Variants in INSYN2A observed in about 807,000 individuals in gnomAD.
INSYN2A encodes family with sequence similarity 196 member A.
A neutral mutation model predicts 39.4 loss-of-function variants in INSYN2A; 17 were observed. That is an observed-to-expected ratio of 0.43 (90% confidence interval 0.30 to 0.65). The LOEUF (loss-of-function observed/expected upper bound fraction) is 0.65, where lower values mean the gene tolerates loss of function less well. Ranked by LOEUF, INSYN2A falls within the 30% of genes least tolerant of loss-of-function variation. The probability of loss-of-function intolerance (pLI) is 0.14; values close to 1 mark genes in which losing one functional copy is unlikely to be tolerated. For synonymous variants in INSYN2A, 255 were observed against 265.7 expected (o/e 0.96, Z 0.39); for missense variants, 595 against 631.2 (o/e 0.94, Z 0.61).
chr10:127,175,922 C>T lies in INSYN2A; in HGVS notation c.474G>A (p.Glu158=). 1.2e-6 allele frequency: 2 copies of T among 1,614,204 alleles called. No individual in the cohort carries two copies. The highest frequency in any genetic ancestry group is 2.2e-5 in the East Asian group (1 of 44,878). The part of the protein sequence containing the change: ...KEKNEAGPME[E]ARPCGAGRVH... ...CCCGCCCCGCGCCACATGGCCGGGC[C>T]TCCTCCATGGGTCCAGCCTCGTTCT... The change falls in exon 4 of 6, where the codon GAG becomes GAA. Residue 158 remains glutamate (E), a synonymous_variant. Coordinates refer to ENST00000522781, the MANE Select transcript of INSYN2A (RefSeq NM_001039762.3). This position sits in a 1 kb window ranked among gnomAD's most constrained non-coding sequence, Gnocchi z 6.3.
chr10:127,155,811 G>A (rs553237480), intron 4 of INSYN2A, among the ~76,000 whole-genome samples: 1 of 152,304 alleles, frequency 6.6e-6, no homozygotes, highest in East Asian at 1.9e-4. Flanking sequence ...TAAGCTCAGT[G>A]CTGACCAAGG....
At position 127,175,863 on chromosome 10, in the gene INSYN2A, T is replaced by A. The variant is rs549935946; in HGVS notation, c.533A>T (p.Asn178Ile). ...HKTTALVFHS[N>I]QHMNTVDQPL... ...CTGGTCCACTGTGTTCATGTGTTGG[T>A]TGGAATGGAAAACCAAGGCTGTGGT... The change falls in exon 4 of 6, where the codon AAC becomes ATC. Residue 178 changes from asparagine to isoleucine, a missense_variant. This residue lies in a region of INSYN2A where 478 missense variants were observed against 467.4 expected (regional missense o/e 1.02). Coordinates refer to ENST00000522781, the MANE Select transcript of INSYN2A (RefSeq NM_001039762.3). The surrounding 1 kb of genome is among the most constrained non-coding windows in gnomAD (Gnocchi z 6.3). 1 of 1,614,116 alleles carries A rather than the reference T, an allele frequency of 6.2e-7. No homozygotes were observed. The highest frequency in any genetic ancestry group is 1.7e-5 in the Admixed American group (1 of 60,012).
At chr10:127,162,576 C>G (rs2053678733) in intron 4 of INSYN2A, among the ~76,000 whole-genome samples, 1 of 152,210 alleles carries the variant, frequency 6.6e-6, no homozygotes, top group Non-Finnish European at 1.5e-5. Context: ...CAGAATCACA[C>G]ACATCCCATT....
intron 2 of INSYN2A, among the ~76,000 whole-genome samples, chr10:127,188,196 G>T (rs1002441517): frequency 2.6e-5 from 4 of 152,164 alleles, no homozygotes; most frequent in Admixed American, 6.5e-5. Flanking sequence ...CCCTGGCCTG[G>T]CTGGGCTGTG....
intron 4 of INSYN2A, among the ~76,000 whole-genome samples, chr10:127,160,158 C>T (rs1367929331): frequency 6.6e-6 from 1 of 151,430 alleles, no homozygotes; most frequent in African/African-American, 2.4e-5. Flanking sequence ...AAAAGTCTCT[C>T]ACTGTGCTGT....
At chr10:127,191,460 C>G (rs1410357937) in intron 2 of INSYN2A, among the ~76,000 whole-genome samples, 1 of 152,148 alleles carries the variant, frequency 6.6e-6, no homozygotes, top group Non-Finnish European at 1.5e-5. Context: ...GGTTTTATAT[C>G]TTTGCTGCAT....
At chr10:127,192,470 G>A (rs960994743) in intron 2 of INSYN2A, 135 bp downstream of exon 2, 2 of 152,148 alleles carry the variant, frequency 1.3e-5, no homozygotes, top group East Asian at 1.9e-4. Flanking sequence ...AGAATGTTTT[G>A]TTTTTATTCA....
rs142957481 is a variant in INSYN2A, at chr10:127,172,026, T to C, written c.1184+3186A>G. The stretch of plus-strand genomic sequence containing the variant: ...GGCCTCCACTGATATTTTAACTTGG[T>C]CATTTGAGTTCATTGTCGTATCATA... On this transcript the variant is annotated intron_variant, in intron 4 of 5. Transcript: ENST00000522781. Among the ~76,000 whole-genome samples, 438 of 152,332 alleles carry C rather than the reference T, an allele frequency of 2.9e-3. 2 individuals carry two copies. The highest frequency in any genetic ancestry group is 5.1e-3 in the Non-Finnish European group (347 of 68,034).
chr10:127,192,236 T>A (rs187902038), intron 2 of INSYN2A, among the ~76,000 whole-genome samples: 2 of 152,274 alleles, frequency 1.3e-5, no homozygotes, highest in Admixed American at 1.3e-4. Flanking sequence ...GAATAAACAG[T>A]TCAGTGCTCT....
chr10:127,176,227 T>G lies in INSYN2A; in HGVS notation c.169A>C (p.Asn57His). The G allele has an allele frequency of 3.1e-6, 5 of 1,614,140 alleles. No individual in the cohort carries two copies. The highest frequency in any genetic ancestry group is 4.2e-6 in the Non-Finnish European group (5 of 1,180,034). ...GACAGCTGTGTGTCCCTCTGCTCAT[T>G]CTGTGCCTCGCAGATATCCTTAAAC... is the stretch of plus-strand genomic sequence containing the variant. ...VRFKDICEAQNEQRDTQLSSG... is the reference protein window; with the variant it reads ...VRFKDICEAQHEQRDTQLSSG... Residue 57 changes from asparagine to histidine, a missense_variant, in exon 4 of 6, where the codon AAT (asparagine) becomes CAT (histidine). By Grantham distance (68) the Asn-to-His change is moderately conservative. This residue lies in a region of INSYN2A where 478 missense variants were observed against 467.4 expected (regional missense o/e 1.02). Coordinates refer to ENST00000522781, the MANE Select transcript of INSYN2A (RefSeq NM_001039762.3). This position sits in a 1 kb window ranked among gnomAD's most constrained non-coding sequence, Gnocchi z 4.4.
At chr10:127,174,587 C>T (rs1379280612) in intron 4 of INSYN2A, among the ~76,000 whole-genome samples, 1 of 152,176 alleles carries the variant, frequency 6.6e-6, no homozygotes, top group Non-Finnish European at 1.5e-5. Context: ...ACACATAGGG[C>T]AGCCCGTGGG....
chr10:127,177,440 C>T (rs577615785), intron 2 of INSYN2A, among the ~76,000 whole-genome samples: 65 of 152,330 alleles, frequency 4.3e-4, no homozygotes, highest in African/African-American at 1.4e-3. Context: ...TTGATGGCTG[C>T]GCTTAAAGCA....
intron 2 of INSYN2A, among the ~76,000 whole-genome samples, chr10:127,190,488 T>TA (rs1484753716): frequency 6.6e-6 from 1 of 151,850 alleles, no homozygotes. Flanking sequence ...CTGTTATAGA[T>TA]ACTACTATGC....
intron 5 of INSYN2A, among the ~76,000 whole-genome samples, chr10:127,152,415 G>T (rs142634082): frequency 1.3e-3 from 205 of 152,298 alleles, no homozygotes; most frequent in Non-Finnish European, 2.2e-3. Flanking sequence ...CTCCTCACTG[G>T]CAATTGCCAA....
rs1379599262 is a variant in INSYN2A, at chr10:127,175,640, C to T, written c.756G>A (p.Glu252=). 2 of 1,613,204 alleles carry T rather than the reference C, an allele frequency of 1.2e-6. No homozygotes were observed. Among genetic ancestry groups the T allele is most frequent in the African/African-American group, 1.3e-5 (1 of 74,892 alleles). The change falls in exon 4 of 6, where the codon GAG becomes GAA. Residue 252 remains glutamate, a synonymous_variant. Transcript: ENST00000522781. This position sits in a 1 kb window ranked among gnomAD's most constrained non-coding sequence, Gnocchi z 6.3. ...GGGCAGGTGCGTAAACGGTGGCAAC[C>T]TCCGTTTTAAACACCCTCCTGAGGG... ...PPALRRVFKT[E]VATVYAPALS...
intron 5 of INSYN2A, among the ~76,000 whole-genome samples, chr10:127,143,770 T>C (rs190976072): frequency 6.6e-6 from 1 of 152,290 alleles, no homozygotes; most frequent in Admixed American, 6.5e-5. Flanking sequence ...AAGTCCTTTC[T>C]GGGCCTTGGT....
chr10:127,180,281 C>T (rs1183782070), intron 2 of INSYN2A, among the ~76,000 whole-genome samples: 2 of 152,178 alleles, frequency 1.3e-5, no homozygotes, highest in Non-Finnish European at 2.9e-5. Context: ...GAATTCTGGA[C>T]TGAGCATGAA....
chr10:127,139,643 C>T (rs2051031982), intron 5 of INSYN2A, among the ~76,000 whole-genome samples: 1 of 152,160 alleles, frequency 6.6e-6, no homozygotes, highest in African/African-American at 2.4e-5. Context: ...GGCCTCAGTT[C>T]CGTGATGTGG....
At chr10:127,158,028 T>C (rs2053246747) in intron 4 of INSYN2A, among the ~76,000 whole-genome samples, 3 of 152,228 alleles carry the variant, frequency 2.0e-5, no homozygotes, top group Admixed American at 2.0e-4. Flanking sequence ...TCATAATCCA[T>C]CTAATTGTCC....
Sources: allele counts gnomAD v4.1 joint callset (sites outside exome capture counted in the v4.1 genomes callset), GRCh38; gene constraint gnomAD v4.1.1; regional missense constraint gnomAD v4.1.1; non-coding constraint Gnocchi (gnomAD v3.1); transcripts MANE v1.5; gene names NCBI Gene and HGNC (gene_info 2026-07-23, HGNC 2026-07-21).